TMEM217: variants seen among roughly 807,000 people sequenced by gnomAD.
TMEM217 encodes the protein transmembrane protein 217, also known as chromosome 6 open reading frame 128.
For missense variants in TMEM217, 204 were observed against 248.8 expected (o/e 0.82, Z 1.21); for synonymous variants, 76 against 88.3 (o/e 0.86, Z 0.78).
intron 1 of TMEM217, among the ~76,000 whole-genome samples, chr6:37,222,023 AGGATAGCT>A (rs1763551024): frequency 6.6e-6 from 1 of 152,100 alleles, no homozygotes; most frequent in Non-Finnish European, 1.5e-5. Context: ...ATCAGCAGAG[AGGATAGCT>A]CCTCTCTGCA....
At chr6:37,215,390 C>T, downstream of TMEM217, 1 of 1,301,280 alleles carries the variant, frequency 7.7e-7, no homozygotes, top group Non-Finnish European at 1.0e-6. Context: ...GTCTAGCCAA[C>T]ATGGTGAAAC....
At chr6:37,249,777 T>C (rs1198150536) in intron 1 of TMEM217, among the ~76,000 whole-genome samples, 2 of 152,256 alleles carry the variant, frequency 1.3e-5, no homozygotes, top group Non-Finnish European at 2.9e-5. Flanking sequence ...GAAACAAAAA[T>C]GGAACTCTCA....
chr6:37,212,658 G>A (rs1197977058), downstream of TMEM217: 1 of 569,100 alleles, frequency 1.8e-6, no homozygotes, highest in Admixed American at 2.2e-5. Flanking sequence ...TGAGGAGCAG[G>A]ACTATGGAGA....
intron 1 of TMEM217, among the ~76,000 whole-genome samples, chr6:37,234,473 A>G (rs1407257445): frequency 2.0e-5 from 3 of 152,202 alleles, no homozygotes; most frequent in African/African-American, 7.2e-5. Flanking sequence ...TCGTAAGTTG[A>G]GGAGTACCTG....
At chr6:37,222,824 G>C (rs565093792) in intron 1 of TMEM217, among the ~76,000 whole-genome samples, 227 of 152,308 alleles carry the variant, frequency 1.5e-3, no homozygotes, top group Non-Finnish European at 2.0e-3. Context: ...AGAAGGGGCC[G>C]GGCTTCCACC....
intron 1 of TMEM217, among the ~76,000 whole-genome samples, chr6:37,245,775 T>C (rs1765035788): frequency 6.9e-6 from 1 of 145,782 alleles, no homozygotes. Flanking sequence ...AGCCTCTCAT[T>C]TTCTTTTCTT....
chr6:37,239,669 G>A (rs1011084972), intron 1 of TMEM217, among the ~76,000 whole-genome samples: 4 of 151,970 alleles, frequency 2.6e-5, no homozygotes, highest in African/African-American at 7.3e-5. Context: ...CTCTCATCAA[G>A]TTGACTTGTG....
At chr6:37,257,866 C>G in exon 1 of TMEM217, 1 of 1,593,290 alleles carries the variant, frequency 6.3e-7, no homozygotes, top group Non-Finnish European at 8.6e-7. Flanking sequence ...CTGGGGGCAT[C>G]TCGCCGGGCA....
At chr6:37,223,325 C>T (rs1763648218) in intron 1 of TMEM217, among the ~76,000 whole-genome samples, 2 of 152,054 alleles carry the variant, frequency 1.3e-5, no homozygotes, top group Admixed American at 6.6e-5. Flanking sequence ...GGTACTCAAA[C>T]TATGGAACAC....
chr6:37,231,029 A>G (rs953944349), intron 1 of TMEM217, among the ~76,000 whole-genome samples: 9 of 151,966 alleles, frequency 5.9e-5, no homozygotes, highest in African/African-American at 1.9e-4. Flanking sequence ...AACCACTGTC[A>G]CTAAATTCCA....
chr6:37,242,571 C>A (rs967009765), intron 1 of TMEM217, among the ~76,000 whole-genome samples: 1 of 152,174 alleles, frequency 6.6e-6, no homozygotes, highest in African/African-American at 2.4e-5. Flanking sequence ...GGGAAACCAG[C>A]CCCAGCTTGG....
At chr6:37,225,281 G>T (rs1308038150) in intron 1 of TMEM217, among the ~76,000 whole-genome samples, 1 of 152,080 alleles carries the variant, frequency 6.6e-6, no homozygotes, top group African/African-American at 2.4e-5. Context: ...AAGTGCAAGG[G>T]GCAGGGATAG....
At chr6:37,224,291 A>T (rs1360437914) in intron 1 of TMEM217, among the ~76,000 whole-genome samples, 1 of 151,396 alleles carries the variant, frequency 6.6e-6, no homozygotes, top group African/African-American at 2.4e-5. Flanking sequence ...TACCACATGC[A>T]GCTCATTAAA....
At chr6:37,255,556 G>A (rs988387490) in intron 1 of TMEM217, among the ~76,000 whole-genome samples, 1 of 152,018 alleles carries the variant, frequency 6.6e-6, no homozygotes, top group African/African-American at 2.4e-5. Context: ...GGTGGTATGT[G>A]CCTGTTAGTC....
rs546780734 is a variant in TMEM217 at position 37,219,731 on chromosome 6, C to A, written c.-11-690G>T. Among the ~76,000 whole-genome samples, 4 of 151,396 alleles carry A rather than the reference C, an allele frequency of 2.6e-5. No homozygotes were observed. The East Asian group carries it at 7.7e-4, about 29-fold the overall frequency. ...TGGGTGACAGAGCAAGACCCTATATCCAAAAAAAAAAAATTATGCTGTTAA... is the reference window on the plus strand; with the variant it reads ...TGGGTGACAGAGCAAGACCCTATATACAAAAAAAAAAAATTATGCTGTTAA... On this transcript the variant is annotated intron_variant, in intron 1 of 1. Transcript: ENST00000357219.
intron 1 of TMEM217, among the ~76,000 whole-genome samples, chr6:37,220,263 A>C (rs1763430044): frequency 1.3e-5 from 2 of 152,216 alleles, no homozygotes; most frequent in South Asian, 4.1e-4. Context: ...GAAGGAAGTA[A>C]ATTTTGCTCT....
chr6:37,258,027 C>G (rs1014233978), exon 1 of TMEM217: 11 of 1,588,892 alleles, frequency 6.9e-6, no homozygotes, highest in Non-Finnish European at 9.4e-6. Context: ...CTTCCAGATC[C>G]TAATCCCTGA....
intron 1 of TMEM217, among the ~76,000 whole-genome samples, chr6:37,230,514 T>A (rs1764138323): frequency 6.6e-6 from 1 of 152,142 alleles, no homozygotes; most frequent in African/African-American, 2.4e-5. Context: ...GTGTCAGACC[T>A]AATCTGACAT....
At chr6:37,217,148 G>T (rs1255683904), downstream of TMEM217, among the ~76,000 whole-genome samples, 1 of 152,160 alleles carries the variant, frequency 6.6e-6, no homozygotes, top group Non-Finnish European at 1.5e-5. Context: ...ACAAAAATTA[G>T]CCAGGCATGG....
Sources: gnomAD v4.1 joint callset for allele counts (sites outside exome capture counted in the v4.1 genomes callset) on GRCh38, gnomAD v4.1.1 for gene constraint, MANE v1.5 for transcripts, NCBI Gene and HGNC (gene_info 2026-07-23, HGNC 2026-07-21) for gene names.